Variants in RNF220 observed in about 807,000 individuals in gnomAD.
RNF220 encodes the protein E3 ubiquitin-protein ligase RNF220.
Under a neutral mutation model 67.1 loss-of-function variants are expected in RNF220, and 7 were observed. That is an observed-to-expected ratio of 0.10 (90% CI 0.06 to 0.20). The LOEUF is 0.20. RNF220 is among the 10% of genes least tolerant of loss of function. The probability of loss-of-function intolerance (pLI) is 1.00; values close to 1 mark genes in which losing one functional copy is unlikely to be tolerated. For missense variants in RNF220, 565 were observed against 740.3 expected (o/e 0.76, Z 2.75); for synonymous variants, 270 against 283.2 (o/e 0.95, Z 0.47).
chr1:44,602,351 G>A (rs1284097720), intron 2 of RNF220, among the ~76,000 whole-genome samples: 1 of 152,150 alleles, frequency 6.6e-6, no homozygotes. Flanking sequence ...CTGGCCTGAG[G>A]AGCATGGAGT....
chr1:44,521,760 A>G (rs1046427138), intron 2 of RNF220, among the ~76,000 whole-genome samples: 1 of 152,168 alleles, frequency 6.6e-6, no homozygotes, highest in Non-Finnish European at 1.5e-5. Context: ...CAAGGCCCCC[A>G]CTAGACTGTA....
At chr1:44,618,092 A>G (rs1275914939) in intron 3 of RNF220, among the ~76,000 whole-genome samples, 3 of 152,056 alleles carry the variant, frequency 2.0e-5, no homozygotes, top group Non-Finnish European at 2.9e-5. Flanking sequence ...ACTGCATCCT[A>G]AGGGGCTCTT....
At chr1:44,640,234 CAAAAG>C (rs1644448272) in intron 8 of RNF220, among the ~76,000 whole-genome samples, 2 of 152,372 alleles carry the variant, frequency 1.3e-5, no homozygotes, top group East Asian at 1.9e-4. Context: ...TGCTAGTTCT[CAAAAG>C]AAGGGAGCCC....
chr1:44,429,139 C>T (rs1392714257), intron 2 of RNF220, among the ~76,000 whole-genome samples: 10 of 151,114 alleles, frequency 6.6e-5, no homozygotes, highest in South Asian at 4.2e-4. Context: ...TTCCTTCCAC[C>T]TCTACTTTTG....
At position 44,632,400 on chromosome 1, in the gene RNF220, G is replaced by GCCCCCCCCCCCCC; in HGVS notation, c.949+19_949+20insCCCCCCCCCCCCC. On this transcript the variant is annotated intron_variant, in intron 6 of 14. Transcript: ENST00000361799. The stretch of plus-strand genomic sequence containing the variant: ...CCGACTGAATGGTGAGTCCTGCCCG[G>GCCCCCCCCCCCCC]CCCCTCCCTCCGCCCCACCCCCGGC... The GCCCCCCCCCCCCC allele has an allele frequency of 1.9e-6, 3 of 1,607,450 alleles. No individual in the cohort carries two copies. Among genetic ancestry groups the GCCCCCCCCCCCCC allele is most frequent in the Non-Finnish European group, 2.5e-6 (3 of 1,177,490 alleles).
chr1:44,580,461 G>T (rs2148343094), intron 2 of RNF220, among the ~76,000 whole-genome samples: 1 of 152,348 alleles, frequency 6.6e-6, no homozygotes, highest in African/African-American at 2.4e-5. Context: ...AAAGGCTATT[G>T]TGTGGGACAG....
intron 2 of RNF220, among the ~76,000 whole-genome samples, chr1:44,436,464 G>A (rs967902613): frequency 6.6e-6 from 1 of 152,188 alleles, no homozygotes; most frequent in African/African-American, 2.4e-5. Context: ...GCCCAACAGT[G>A]TACAGCAACT....
chr1:44,593,115 C>T (rs270705), intron 2 of RNF220, among the ~76,000 whole-genome samples: 34,274 of 152,044 alleles, frequency 0.23, 4,034 homozygotes, highest in Middle Eastern at 0.27. Flanking sequence ...CCAATCTTCT[C>T]TCCCAACACA....
At chr1:44,580,058 G>GAAAGAAAAGAAAGAAAGAAAGA (rs1665147354) in intron 2 of RNF220, among the ~76,000 whole-genome samples, 1 of 89,832 alleles carries the variant, frequency 1.1e-5, no homozygotes, top group Admixed American at 1.2e-4. Context: ...AAAAAAAAAA[G>GAAAGAAAAGAAAGAAAGAAAGA]AAAGAAAAGA....
At chr1:44,531,890 C>T (rs190893759) in intron 2 of RNF220, among the ~76,000 whole-genome samples, 1 of 152,342 alleles carries the variant, frequency 6.6e-6, no homozygotes, top group African/African-American at 2.4e-5. Context: ...CTTTCACCAA[C>T]TGTTCTTGGT....
At position 44,562,391 on chromosome 1, in the gene RNF220, T is replaced by A. The variant is rs1032776621; in HGVS notation, c.626-51774T>A. ...CAGGGCCCGCTTGTGATGCTGAGGC[T>A]GCTGACACCTGCTCCCAGGCCTTGA... On this transcript the variant is annotated intron_variant, in intron 2 of 14. Coordinates refer to ENST00000361799, the MANE Select transcript of RNF220 (RefSeq NM_018150.4). 2.6e-5 allele frequency among the ~76,000 whole-genome samples: 4 copies of A among 152,194 alleles called. No homozygotes were observed. In the South Asian group the frequency reaches 8.3e-4, roughly 32 times the overall value.
intron 2 of RNF220, among the ~76,000 whole-genome samples, chr1:44,448,762 GT>G (rs1652360077): frequency 6.6e-6 from 1 of 152,148 alleles, no homozygotes. Flanking sequence ...GAACATTAGA[GT>G]TTTTTTAAGA....
Position 44,465,990 on chromosome 1 carries a change from C to T in RNF220, c.625+53268C>T, listed in dbSNP as rs111958246. Among the ~76,000 whole-genome samples the T allele has an allele frequency of 1.1e-3, 163 of 152,148 alleles. 1 individual carries two copies. The highest frequency in any genetic ancestry group is 1.5e-3 in the Non-Finnish European group (99 of 67,986). Reference sequence around the variant, plus strand: ...AATGAGACAACAATGAAGTTTGCCACATTGACTTTTTATGAAAGATTTCCC... The same window carrying T: ...AATGAGACAACAATGAAGTTTGCCATATTGACTTTTTATGAAAGATTTCCC... On this transcript the variant is annotated intron_variant, in intron 2 of 14. Transcript: ENST00000361799.
chr1:44,636,409 C>G (rs2148485359), intron 8 of RNF220: 2 of 722,476 alleles, frequency 2.8e-6, no homozygotes, highest in Non-Finnish European at 5.1e-6. Context: ...AAGGGGGGCT[C>G]TCAGCTTCGG....
chr1:44,527,892 C>T (rs1449335258), intron 2 of RNF220, among the ~76,000 whole-genome samples: 2 of 128,160 alleles, frequency 1.6e-5, no homozygotes, highest in African/African-American at 5.9e-5. Flanking sequence ...CACCACTGCA[C>T]TCCAGCCTGG....
At chr1:44,501,903 C>T (rs1306238494) in intron 2 of RNF220, among the ~76,000 whole-genome samples, 1 of 152,110 alleles carries the variant, frequency 6.6e-6, no homozygotes, top group African/African-American at 2.4e-5. Flanking sequence ...CTATTATACT[C>T]TTTGAAATAG....
At chr1:44,502,052 AACACAC>A (rs56978327) in intron 2 of RNF220, among the ~76,000 whole-genome samples, 12,194 of 121,434 alleles carry the variant, frequency 0.1, 633 homozygotes, top group African/African-American at 0.14. Flanking sequence ...ACACCACTGA[AACACAC>A]ACACACACAC....
chr1:44,463,923 T>C (rs1013985437), intron 2 of RNF220, among the ~76,000 whole-genome samples: 3 of 152,228 alleles, frequency 2.0e-5, no homozygotes, highest in Admixed American at 2.0e-4. Flanking sequence ...ATGGAGACAG[T>C]TGAAGAGGAG....
chr1:44,528,725 C>T (rs1441306027), intron 2 of RNF220, among the ~76,000 whole-genome samples: 4 of 151,532 alleles, frequency 2.6e-5, no homozygotes, highest in South Asian at 2.1e-4. Flanking sequence ...AGTGATTCTC[C>T]TGCCTCAGCC....
Sources: gnomAD v4.1 joint callset for allele counts (sites outside exome capture counted in the v4.1 genomes callset) on GRCh38, gnomAD v4.1.1 for gene constraint, MANE v1.5 for transcripts, NCBI Gene and HGNC (gene_info 2026-07-23, HGNC 2026-07-21) for gene names.